The following KLF12 variants were observed in gnomAD, a reference collection of about 807,000 sequenced individuals.
KLF12 encodes the protein Krueppel-like factor 12.
KLF12 carries 9 observed loss-of-function variants against 37.8 expected under a neutral mutation model. The observed-to-expected ratio is 0.24, with a 90% confidence interval of 0.14 to 0.42. The LOEUF is 0.42. Among genes scored for constraint, KLF12 ranks in the 10% least tolerant of loss-of-function variants. KLF12 has a pLI of 1.00. For synonymous variants in KLF12, 208 were observed against 202.1 expected, an observed-to-expected ratio of 1.03 and a Z score of -0.25; for missense variants, 411 against 516.0, an observed-to-expected ratio of 0.80 and a Z score of 1.97.
At chr13:74,180,005 T>C in the KLF12 span, among the ~76,000 whole-genome samples, 4 of 152,226 alleles carry the variant, frequency 2.6e-5, no homozygotes, top group Non-Finnish European at 4.4e-5. Flanking sequence ...ATCATATTTG[T>C]AACAAATCTG....
At chr13:74,275,911 T>G in the KLF12 span, among the ~76,000 whole-genome samples, 207 of 146,870 alleles carry the variant, frequency 1.4e-3, 2 homozygotes, top group Admixed American at 0.013. Flanking sequence ...CTTTCTTTCT[T>G]TCTTTCTTTC....
intron 5 of KLF12, among the ~76,000 whole-genome samples, chr13:73,796,311 A>C (rs1315859749): frequency 6.6e-6 from 1 of 152,176 alleles, no homozygotes; most frequent in South Asian, 2.1e-4. Context: ...CCTGCTATAT[A>C]TCCTGGCTTG....
chr13:73,947,273 T>C (rs915644082), intron 2 of KLF12, among the ~76,000 whole-genome samples: 1 of 152,230 alleles, frequency 6.6e-6, no homozygotes, highest in East Asian at 1.9e-4. Context: ...TGAAAAATCA[T>C]CCATAGAATT....
intron 1 of KLF12, among the ~76,000 whole-genome samples, chr13:74,048,234 G>A (rs914568012): frequency 3.9e-5 from 6 of 152,208 alleles, no homozygotes; most frequent in Admixed American, 2.6e-4. Flanking sequence ...CTGGCCACAT[G>A]TAGAGGCTGG....
chr13:73,953,784 T>C (rs1351842725), intron 2 of KLF12, among the ~76,000 whole-genome samples: 1 of 152,042 alleles, frequency 6.6e-6, no homozygotes, highest in Non-Finnish European at 1.5e-5. Context: ...AAAAAAATAG[T>C]GCTGAAGAGT....
intron 1 of KLF12, among the ~76,000 whole-genome samples, chr13:74,005,100 A>G (rs1157188413): frequency 6.6e-6 from 1 of 152,216 alleles, no homozygotes; most frequent in African/African-American, 2.4e-5. Context: ...TAATTTGAAA[A>G]AGTAATTTAT....
chr13:74,301,485 CT>C, the KLF12 span, among the ~76,000 whole-genome samples: 1 of 152,132 alleles, frequency 6.6e-6, no homozygotes, highest in Non-Finnish European at 1.5e-5. Flanking sequence ...TTTAAATGAA[CT>C]TTTACAGGCC....
At chr13:73,828,744 G>C (rs1052210636) in intron 4 of KLF12, among the ~76,000 whole-genome samples, 6 of 152,090 alleles carry the variant, frequency 3.9e-5, no homozygotes, top group Non-Finnish European at 8.8e-5. Flanking sequence ...TCGTTAGCTT[G>C]GCACAGAAGG....
At chr13:73,742,106 A>G (rs1192944381) in intron 6 of KLF12, among the ~76,000 whole-genome samples, 2 of 152,202 alleles carry the variant, frequency 1.3e-5, no homozygotes, top group African/African-American at 4.8e-5. Context: ...AGCAGAGTCA[A>G]CAAAGTCAAT....
intron 1 of KLF12, among the ~76,000 whole-genome samples, chr13:74,022,132 A>G (rs1350310846): frequency 6.6e-6 from 1 of 152,182 alleles, no homozygotes; most frequent in East Asian, 1.9e-4. Context: ...TGGCAACAAT[A>G]CTAGATATTA....
intron 3 of KLF12, among the ~76,000 whole-genome samples, chr13:73,860,473 G>A (rs1885863758): frequency 6.6e-6 from 1 of 152,138 alleles, no homozygotes; most frequent in South Asian, 2.1e-4. Flanking sequence ...AGTGGCTCAC[G>A]CTTGTAATCA....
chr13:74,056,166 G>A (rs111727048), intron 1 of KLF12, among the ~76,000 whole-genome samples: 148 of 152,234 alleles, frequency 9.7e-4, no homozygotes, highest in African/African-American at 3.3e-3. Context: ...GAGGAAGAAA[G>A]GGAGAGCAAG....
Position 73,764,964 on chromosome 13 carries a change from A to AT in KLF12, c.842dup (p.Asn281LysfsTer5). 6.3e-7 allele frequency: 1 copy of AT among 1,577,596 alleles called. No homozygotes were observed. Among genetic ancestry groups the AT allele is most frequent in the Non-Finnish European group, 8.7e-7 (1 of 1,147,176 alleles). ...AAGGAAACTTTTGATTATTCATTCG[A>AT]TTGCCCCGGACCCTTGATACTGGGG... On this transcript the variant is annotated frameshift_variant, in exon 6 of 8. Coordinates refer to ENST00000377669, the MANE Select transcript of KLF12 (RefSeq NM_007249.5). LOFTEE classifies it high-confidence loss of function.
chr13:74,036,700 T>G (rs938254332), intron 1 of KLF12, among the ~76,000 whole-genome samples: 1 of 152,166 alleles, frequency 6.6e-6, no homozygotes, highest in Non-Finnish European at 1.5e-5. Flanking sequence ...GAAAAAGAAG[T>G]CAGCAGAAGA....
In KLF12 at chr13:74,050,534, G is replaced by T. The variant is rs1872846417; in HGVS notation, c.-31-55481C>A. The stretch of plus-strand genomic sequence containing the variant: ...AAAGCACACCTGATGGCCCCAAGAA[G>T]ATGTACTTGACAGACACCTCTGGAA... On this transcript the variant is annotated intron_variant, in intron 1 of 7. Transcript: ENST00000377669. 2.0e-5 allele frequency among the ~76,000 whole-genome samples: 3 copies of T among 152,136 alleles called. No individual in the cohort carries two copies. In the South Asian group the frequency reaches 6.2e-4, roughly 31 times the overall value.
the KLF12 span, among the ~76,000 whole-genome samples, chr13:74,180,875 C>G: frequency 6.6e-6 from 1 of 152,096 alleles, no homozygotes; most frequent in African/African-American, 2.4e-5. Flanking sequence ...ACATTCACAA[C>G]CTAAAGGATG....
At chr13:74,180,313 A>C in the KLF12 span, among the ~76,000 whole-genome samples, 6 of 152,230 alleles carry the variant, frequency 3.9e-5, no homozygotes, top group Non-Finnish European at 2.9e-5. Context: ...TAATCAATTG[A>C]AATACTTGCC....
At chr13:73,921,609 A>G (rs969541093) in intron 3 of KLF12, among the ~76,000 whole-genome samples, 6 of 152,204 alleles carry the variant, frequency 3.9e-5, no homozygotes, top group African/African-American at 1.4e-4. Flanking sequence ...AAAATATGCA[A>G]TAATACATAT....
chr13:74,101,771 T>TGACATAATA (rs1041412135), intron 1 of KLF12, among the ~76,000 whole-genome samples: 1 of 152,098 alleles, frequency 6.6e-6, no homozygotes, highest in African/African-American at 2.4e-5. Context: ...TAGGAATCTG[T>TGACATAATA]GACATAATAT....
Sources: allele counts gnomAD v4.1 joint callset (sites outside exome capture counted in the v4.1 genomes callset), GRCh38; gene constraint gnomAD v4.1.1; transcripts MANE v1.5; gene names NCBI Gene and HGNC (gene_info 2026-07-23, HGNC 2026-07-21).